LAD1: variants seen among roughly 807,000 people sequenced by gnomAD.
The protein encoded by LAD1 is ladinin-1.
In LAD1, 53 loss-of-function variants were observed where a neutral mutation model predicts 54.2. That is an observed-to-expected ratio of 0.98 (90% CI 0.78 to 1.23). LAD1 has a LOEUF of 1.23. Among genes scored for constraint, LAD1 ranks in the 50% most tolerant of loss-of-function variants. The pLI, the probability that LAD1 is intolerant of heterozygous loss-of-function variation, is 0.00. For missense variants in LAD1, 637 were observed against 653.3 expected, an observed-to-expected ratio of 0.98 and a Z score of 0.27; for synonymous variants, 231 against 257.7, an observed-to-expected ratio of 0.90 and a Z score of 0.99.
chr1:201,387,306 G>A (rs898793549), intron 2 of LAD1, 128 bp from the exon 3 acceptor site: 67 of 923,500 alleles, frequency 7.3e-5, no homozygotes, highest in Non-Finnish European at 8.8e-5. Context: ...TGGCCTCCCC[G>A]GCTCACCACC....
At chr1:201,383,498 G>T in intron 5 of LAD1, 109 bp from the exon 6 acceptor site, 1 of 1,034,104 alleles carries the variant, frequency 9.7e-7, no homozygotes, top group Non-Finnish European at 1.5e-6. Flanking sequence ...TTGTGGCCAA[G>T]AGAATGTGGC....
intron 8 of LAD1, 77 bp from the exon 9 acceptor site, chr1:201,382,403 C>T (rs539391329): frequency 1.7e-6 from 2 of 1,168,698 alleles, no homozygotes; most frequent in East Asian, 4.7e-5. Flanking sequence ...AGGCCCAGCT[C>T]CCAGCCCAGG....
chr1:201,383,487 A>G (rs1662011017), intron 5 of LAD1, 98 bp from the exon 6 acceptor site: 2 of 1,135,706 alleles, frequency 1.8e-6, no homozygotes, highest in Non-Finnish European at 2.7e-6. Flanking sequence ...ACACGTTCTC[A>G]TTGTGGCCAA....
At chr1:201,382,874 C>T in intron 7 of LAD1, 135 bp from the exon 8 acceptor site, 1 of 959,336 alleles carries the variant, frequency 1.0e-6, no homozygotes, top group Non-Finnish European at 1.6e-6. Flanking sequence ...CCTGGGACAG[C>T]CCCCTCCCCT....
intron 1 of LAD1, among the ~76,000 whole-genome samples, chr1:201,394,684 G>A (rs1179240449): frequency 1.3e-5 from 2 of 152,122 alleles, no homozygotes; most frequent in Non-Finnish European, 2.9e-5. Context: ...ATTTAGAAAC[G>A]CCAACTTCTG....
At chr1:201,394,094 G>A (rs933052119) in intron 1 of LAD1, among the ~76,000 whole-genome samples, 5 of 152,180 alleles carry the variant, frequency 3.3e-5, no homozygotes, top group East Asian at 1.9e-4. Flanking sequence ...AGAAACAACC[G>A]CAGGATAGGG....
In LAD1 at chr1:201,381,556, A is replaced by C; in HGVS notation, c.*332T>G. 2.5e-6 allele frequency: 1 copy of C among 405,736 alleles called. No individual in the cohort carries two copies. Among genetic ancestry groups the C allele is most frequent in the Non-Finnish European group, 4.5e-6 (1 of 220,450 alleles). The allele number at this position is 405,736 out of a possible 1,614,324, so 25.1% of individuals were successfully genotyped here. A position where few individuals can be genotyped will look rare whatever the true frequency, so the allele number is the denominator to read the frequency against. On this transcript the variant is annotated 3_prime_UTR_variant, in exon 10 of 10. Transcript: ENST00000391967. ...GAGGGGCGCCGTGCCCTGACTGTGG[A>C]TGTGAGCAGGAAGGAGCAGAGGTCT...
chr1:201,381,930 G>T (rs1315645116), intron 9 of LAD1, 37 bp from the exon 10 acceptor site: 1 of 1,609,908 alleles, frequency 6.2e-7, no homozygotes, highest in Admixed American at 1.7e-5. Context: ...AGTCAATGGG[G>T]TGTCAGGGAT....
chr1:201,385,859 G>A, intron 3 of LAD1, 54 bp from the exon 4 acceptor site: 1 of 1,354,364 alleles, frequency 7.4e-7, no homozygotes, highest in Non-Finnish European at 1.1e-6. Context: ...ATCAAGCCGG[G>A]GCAGCCATAA....
intron 2 of LAD1, among the ~76,000 whole-genome samples, chr1:201,388,502 G>T (rs1158427329): frequency 6.6e-6 from 1 of 151,998 alleles, no homozygotes; most frequent in East Asian, 1.9e-4. Flanking sequence ...GGCCAACATG[G>T]TAAAACCCCA....
chr1:201,391,411 A>C (rs953386655), intron 1 of LAD1, among the ~76,000 whole-genome samples: 2 of 151,946 alleles, frequency 1.3e-5, no homozygotes, highest in Non-Finnish European at 2.9e-5. Context: ...CACCTGCCCT[A>C]CCTACCACCT....
Position 201,385,507 on chromosome 1 carries a change from AC to A in LAD1, c.1131+193del, listed in dbSNP as rs937701345. On this transcript the variant is annotated intron_variant, in intron 4 of 9. Coordinates refer to ENST00000391967, the MANE Select transcript of LAD1 (RefSeq NM_005558.4). ...GGGCTGCTCATGCTTACTGGCACCT[AC>A]CCCCCAGGTTACTAACCTGTTCTCC... 1.0e-3 allele frequency among the ~76,000 whole-genome samples: 158 copies of A among 151,924 alleles called. 1 individual carries two copies. Among genetic ancestry groups the A allele is most frequent in the South Asian group, 3.1e-3 (15 of 4,808 alleles).
chr1:201,386,376 G>T lies in LAD1; in HGVS notation c.985C>A (p.Pro329Thr). 1 of 1,510,620 alleles carries T rather than the reference G, an allele frequency of 6.6e-7. No homozygotes were observed. Among genetic ancestry groups the T allele is most frequent in the Non-Finnish European group, 8.8e-7 (1 of 1,132,546 alleles). 93.6% of individuals were successfully genotyped at this position (1,510,620 alleles called of 1,614,324 possible). Reference sequence around the variant, plus strand: ...GGGAGGCGGGAGGCCACAGTCGGAGGGTCTGAAGCCCCCTGCTTTGCCAAA... The same window carrying T: ...GGGAGGCGGGAGGCCACAGTCGGAGTGTCTGAAGCCCCCTGCTTTGCCAAA... ...PSLAKQGASD[P>T]PTVASRLPPV... The change falls in exon 3 of 10, where the codon CCT (proline) becomes ACT (threonine). Residue 329 changes from proline to threonine, a missense_variant. Pro to Thr is a conservative substitution (Grantham distance 38, BLOSUM62 -1). Transcript: ENST00000391967.
intron 7 of LAD1, 121 bp from the exon 8 acceptor site, chr1:201,382,860 T>C (rs1290810940): frequency 1.5e-5 from 14 of 957,322 alleles, no homozygotes; most frequent in African/African-American, 3.2e-5. Flanking sequence ...ACATGCCACA[T>C]ATACCTGGGA....
Position 201,382,274 on chromosome 1 carries a change from G to A in LAD1, c.1526C>T (p.Ser509Phe), listed in dbSNP as rs1571718200. 1 of 1,613,796 alleles carries A rather than the reference G, an allele frequency of 6.2e-7. No homozygotes were observed. ...ATERTQWGQK[S>F]DSSLDAEV Reference sequence around the variant, plus strand: ...CACCTCAGCGTCCAGCGAGGAGTCAGATTTCTGTCCCCACTGAGTCCTCTC... The same window carrying A: ...CACCTCAGCGTCCAGCGAGGAGTCAAATTTCTGTCCCCACTGAGTCCTCTC... The change falls in exon 9 of 10, where the codon TCT becomes TTT. Residue 509 changes from serine to phenylalanine, a missense_variant. By Grantham distance (155) the Ser-to-Phe change is radical. Transcript: ENST00000391967.
At chr1:201,396,399 C>T (rs1184711979) in intron 1 of LAD1, among the ~76,000 whole-genome samples, 1 of 151,644 alleles carries the variant, frequency 6.6e-6, no homozygotes, top group Non-Finnish European at 1.5e-5. Flanking sequence ...CACTAGAGAG[C>T]TTGTTTTGAC....
Position 201,382,284 on chromosome 1 carries a change from C to T in LAD1, c.1516G>A (p.Gly506Arg), listed in dbSNP as rs1357996536. The T allele has an allele frequency of 2.5e-6, 4 of 1,613,700 alleles. No individual in the cohort carries two copies. In the Admixed American group the frequency reaches 6.7e-5, roughly 27 times the overall value. Residue 506 changes from glycine (G) to arginine (R), a missense_variant, in exon 9 of 10, where the codon GGA (glycine) becomes AGA (arginine). Gly to Arg is a moderately radical substitution (Grantham distance 125). Transcript: ENST00000391967. ...ASSATERTQWGQKSDSSLDAE... is the reference protein window; with the variant it reads ...ASSATERTQWRQKSDSSLDAE... Reference sequence around the variant, plus strand: ...TCCAGCGAGGAGTCAGATTTCTGTCCCCACTGAGTCCTCTCGGTTGCAGAT... The same window carrying T: ...TCCAGCGAGGAGTCAGATTTCTGTCTCCACTGAGTCCTCTCGGTTGCAGAT...
chr1:201,388,659 G>A (rs898452880), intron 2 of LAD1, among the ~76,000 whole-genome samples: 1 of 149,360 alleles, frequency 6.7e-6, no homozygotes, highest in Non-Finnish European at 1.5e-5. Context: ...CTCCAGCCTA[G>A]CGACACAGCG....
intron 1 of LAD1, among the ~76,000 whole-genome samples, chr1:201,397,549 C>CCA (rs927778682): frequency 2.6e-5 from 4 of 151,922 alleles, no homozygotes; most frequent in Non-Finnish European, 5.9e-5. Context: ...AGCTGCCTCC[C>CCA]CACACACACA....
Sources: gnomAD v4.1 joint callset for allele counts (sites outside exome capture counted in the v4.1 genomes callset) on GRCh38, gnomAD v4.1.1 for gene constraint, MANE v1.5 for transcripts, NCBI Gene and HGNC (gene_info 2026-07-23, HGNC 2026-07-21) for gene names.